ITGB8: variants seen among roughly 807,000 people sequenced by gnomAD.
ITGB8 encodes the protein integrin subunit beta 8.
In ITGB8, 30 loss-of-function variants were observed where a neutral mutation model predicts 89.5. That is an observed-to-expected ratio of 0.34 (90% confidence interval 0.25 to 0.45). The LOEUF (loss-of-function observed/expected upper bound fraction) is 0.45, where lower values mean the gene tolerates loss of function less well. Among genes scored for constraint, ITGB8 ranks in the 20% least tolerant of loss-of-function variants. The pLI is 1.00. For missense variants in ITGB8, 836 were observed against 933.3 expected, an observed-to-expected ratio of 0.90 and a Z score of 1.36; for synonymous variants, 335 against 320.4, an observed-to-expected ratio of 1.05 and a Z score of -0.49.
At chr7:20,340,507 T>C (rs1021038619) in intron 1 of ITGB8, among the ~76,000 whole-genome samples, 2 of 152,226 alleles carry the variant, frequency 1.3e-5, no homozygotes, top group Non-Finnish European at 2.9e-5. Flanking sequence ...CAGGAATGTT[T>C]TGGTGTTTTC....
intron 1 of ITGB8, among the ~76,000 whole-genome samples, chr7:20,345,506 A>G (rs146219860): frequency 1.3e-5 from 2 of 152,188 alleles, no homozygotes; most frequent in African/African-American, 4.8e-5. Flanking sequence ...AGTAGATTAG[A>G]TGGGGTAAGC....
chr7:20,379,897 G>A (rs1342784335), intron 4 of ITGB8: 1 of 152,158 alleles, frequency 6.6e-6, no homozygotes, highest in Non-Finnish European at 1.5e-5. Context: ...TATGAAAGAA[G>A]AATTAGCCTT....
At chr7:20,398,756 T>G in intron 8 of ITGB8, 104 bp from the exon 9 acceptor site, 1 of 736,640 alleles carries the variant, frequency 1.4e-6, no homozygotes, top group Non-Finnish European at 2.0e-6. Context: ...GACTCTTTGA[T>G]CTAGTTAAAA....
intron 8 of ITGB8, among the ~76,000 whole-genome samples, chr7:20,396,636 C>A (rs1220534846): frequency 6.6e-6 from 1 of 152,138 alleles, no homozygotes; most frequent in Non-Finnish European, 1.5e-5. Flanking sequence ...CACAGAAAAT[C>A]AAATGTGTCT....
intron 1 of ITGB8, among the ~76,000 whole-genome samples, chr7:20,337,789 A>G (rs959936150): frequency 6.6e-6 from 1 of 152,140 alleles, no homozygotes; most frequent in African/African-American, 2.4e-5. Flanking sequence ...ATTGACCTCA[A>G]CCATGGGCAG....
chr7:20,369,119 C>T (rs1020292010), intron 3 of ITGB8, among the ~76,000 whole-genome samples: 7 of 152,182 alleles, frequency 4.6e-5, no homozygotes, highest in African/African-American at 1.4e-4. Flanking sequence ...TCAGAATTCT[C>T]AATTCCTGCC....
At chr7:20,379,542 AC>A (rs1305626329) in intron 4 of ITGB8, 3 of 177,440 alleles carry the variant, frequency 1.7e-5, no homozygotes, top group South Asian at 2.0e-4. Context: ...AAACAAAAAA[AC>A]AAACAAAAAA....
At chr7:20,345,469 T>C (rs930002891) in intron 1 of ITGB8, among the ~76,000 whole-genome samples, 8 of 151,544 alleles carry the variant, frequency 5.3e-5, no homozygotes, top group South Asian at 4.2e-4. Flanking sequence ...TGGAGCAGGG[T>C]TGGGGGAAGA....
chr7:20,359,734 T>G (rs1185469699), intron 1 of ITGB8, among the ~76,000 whole-genome samples: 1 of 152,124 alleles, frequency 6.6e-6, no homozygotes, highest in Non-Finnish European at 1.5e-5. Flanking sequence ...ACTAATAGCA[T>G]TCAGTATACT....
At chr7:20,336,433 T>A (rs1407146270) in intron 1 of ITGB8, among the ~76,000 whole-genome samples, 4 of 152,212 alleles carry the variant, frequency 2.6e-5, no homozygotes, top group Non-Finnish European at 4.4e-5. Context: ...GCAAAGACCC[T>A]AACGCATTCA....
chr7:20,363,772 A>G, intron 2 of ITGB8, 50 bp downstream of exon 2: 1 of 1,128,476 alleles, frequency 8.9e-7, no homozygotes, highest in Non-Finnish European at 1.3e-6. Flanking sequence ...GAGCTATAGC[A>G]TGACTTCATT....
chr7:20,388,641 CT>C (rs149074826), intron 6 of ITGB8, among the ~76,000 whole-genome samples: 2 of 150,398 alleles, frequency 1.3e-5, no homozygotes, highest in African/African-American at 2.4e-5. Context: ...CTTTTTTTTT[CT>C]TTTTTTTATT....
rs896993514 is a variant in ITGB8, at chr7:20,411,926, A to G, written c.*1929A>G. ...ATTTATTTACACTTACCTTATCCCT[A>G]TGGACTTAGTCTGATTTTATTGGCT... On this transcript the variant is annotated 3_prime_UTR_variant, in exon 14 of 14. Transcript: ENST00000222573. 1.3e-5 allele frequency: 2 copies of G among 152,548 alleles called. No homozygotes were observed. The highest frequency in any genetic ancestry group is 6.5e-5 in the Admixed American group (1 of 15,272). 9.4% of individuals were successfully genotyped at this position (152,548 alleles called of 1,614,324 possible). A position where few individuals can be genotyped will look rare whatever the true frequency, so the allele number is the denominator to read the frequency against.
intron 1 of ITGB8, among the ~76,000 whole-genome samples, chr7:20,340,009 GA>G (rs1193383998): frequency 1.3e-5 from 2 of 152,114 alleles, no homozygotes; most frequent in African/African-American, 4.8e-5. Context: ...GTCTGGGAGA[GA>G]AAAAGCGAGA....
intron 4 of ITGB8, 97 bp from the exon 5 acceptor site, chr7:20,380,569 A>T: frequency 1.1e-6 from 1 of 951,980 alleles, no homozygotes; most frequent in Non-Finnish European, 1.6e-6. Context: ...CAAAAGAAGT[A>T]CTCCCTTTTC....
intron 3 of ITGB8, among the ~76,000 whole-genome samples, chr7:20,370,596 C>CTTTT (rs60693419): frequency 0.45 from 61,554 of 135,880 alleles, 13,259 homozygotes; most frequent in Middle Eastern, 0.59. Context: ...TATTTATTTA[C>CTTTT]TTATTTATTA....
At position 20,349,684 on chromosome 7, in the gene ITGB8, C is replaced by G. The variant is rs186375649; in HGVS notation, c.128-13953C>G. Among the ~76,000 whole-genome samples, 490 of 151,962 alleles carry G rather than the reference C, an allele frequency of 3.2e-3. 2 individuals carry two copies. Among genetic ancestry groups the G allele is most frequent in the African/African-American group, 0.011 (451 of 41,412 alleles). On this transcript the variant is annotated intron_variant, in intron 1 of 13. Coordinates refer to ENST00000222573, the MANE Select transcript of ITGB8 (RefSeq NM_002214.3). Reference sequence around the variant, plus strand: ...TAACCACTATCTAATCTGTATTAAACAACAACAACAACAACAAAATAAAAA... The same window carrying G: ...TAACCACTATCTAATCTGTATTAAAGAACAACAACAACAACAAAATAAAAA...
In ITGB8 at chr7:20,411,485, C is replaced by T. The variant is rs1364062397; in HGVS notation, c.*1488C>T. The stretch of plus-strand genomic sequence containing the variant: ...TTCTCCTTTTTAGTGAGTTAGGGAA[C>T]TGAGCCTCAGAAAACTTAAACGATT... On this transcript the variant is annotated 3_prime_UTR_variant, in exon 14 of 14. Coordinates refer to ENST00000222573, the MANE Select transcript of ITGB8 (RefSeq NM_002214.3). The T allele has an allele frequency of 6.6e-6, 1 of 152,544 alleles. No individual in the cohort carries two copies. The highest frequency in any genetic ancestry group is 1.5e-5 in the Non-Finnish European group (1 of 68,030). 9.4% of individuals were successfully genotyped at this position (152,544 alleles called of 1,614,324 possible). A position where few individuals can be genotyped will look rare whatever the true frequency, so the allele number is the denominator to read the frequency against.
chr7:20,375,205 GAAAAA>G (rs146479637), intron 3 of ITGB8, among the ~76,000 whole-genome samples: 2 of 147,508 alleles, frequency 1.4e-5, no homozygotes, highest in African/African-American at 5.0e-5. Flanking sequence ...ATTCATAAAG[GAAAAA>G]AAAAAGGAAA....
Sources: allele counts gnomAD v4.1 joint callset (sites outside exome capture counted in the v4.1 genomes callset), GRCh38; gene constraint gnomAD v4.1.1; transcripts MANE v1.5; gene names NCBI Gene and HGNC (gene_info 2026-07-23, HGNC 2026-07-21).